The following TENM1 variants were observed in gnomAD, a reference collection of about 807,000 sequenced individuals.
TENM1 encodes teneurin transmembrane protein 1, also known as teneurin-1.
A neutral mutation model predicts 174.8 loss-of-function variants in TENM1; 35 were observed. The observed-to-expected ratio is 0.20, with a 90% CI of 0.15 to 0.27. TENM1 has a LOEUF of 0.27. Among genes scored for constraint, TENM1 ranks in the 10% least tolerant of loss-of-function variants. TENM1 has a pLI of 1.00. For missense variants in TENM1, 1,633 were observed against 2,130.1 expected (o/e 0.77, Z 4.59); for synonymous variants, 781 against 798.7 (o/e 0.98, Z 0.37).
At chrX:124,546,896 G>A (rs1361408470) in exon 15 of TENM1, 1 of 1,208,748 alleles carries the variant, frequency 8.3e-7, no homozygotes, top group Non-Finnish European at 1.1e-6. Context: ...GACACCTCAG[G>A]AGGAATGACA....
chrX:124,723,757 C>T (rs1013586479), intron 4 of TENM1, among the ~76,000 whole-genome samples: 6 of 109,849 alleles, frequency 5.5e-5, no homozygotes, highest in African/African-American at 1.7e-4. Flanking sequence ...TGTGCCACCA[C>T]GCCTAGCTAA....
intron 11 of TENM1, among the ~76,000 whole-genome samples, chrX:124,574,949 C>T (rs1240505797): frequency 8.9e-6 from 1 of 111,922 alleles, no homozygotes; most frequent in Non-Finnish European, 1.9e-5. Flanking sequence ...CAACTCCTTC[C>T]ATTTCTCAGT....
the TENM1 span, among the ~76,000 whole-genome samples, chrX:125,181,218 A>G: frequency 8.9e-6 from 1 of 111,895 alleles, no homozygotes; most frequent in African/African-American, 3.3e-5. Flanking sequence ...AGAGGTTAGG[A>G]GATTGAGATT....
intron 28 of TENM1, among the ~76,000 whole-genome samples, chrX:124,386,983 A>C (rs1474481936): frequency 2.8e-5 from 3 of 108,012 alleles, no homozygotes; most frequent in South Asian, 4.2e-4. Flanking sequence ...TTCAACGTGC[A>C]TATGTTTCAG....
At chrX:124,615,338 C>T (rs927547250) in intron 11 of TENM1, among the ~76,000 whole-genome samples, 4 of 111,444 alleles carry the variant, frequency 3.6e-5, no homozygotes, top group East Asian at 5.7e-4. Flanking sequence ...CTGTGGAGGG[C>T]GAACTGTACT....
At chrX:125,044,683 G>A in the TENM1 span, among the ~76,000 whole-genome samples, 6 of 111,005 alleles carry the variant, frequency 5.4e-5, no homozygotes, top group Non-Finnish European at 1.9e-5. Flanking sequence ...TCCAGGTTGT[G>A]GCATATTGTC....
the TENM1 span, among the ~76,000 whole-genome samples, chrX:125,131,630 G>A: frequency 2.7e-5 from 3 of 111,820 alleles, no homozygotes; most frequent in Non-Finnish European, 5.6e-5. Flanking sequence ...TAGAAATGGT[G>A]ATGACTACTA....
chrX:124,453,206 A>G, intron 23 of TENM1, 131 bp downstream of exon 26: 1 of 644,612 alleles, frequency 1.6e-6, no homozygotes, highest in Non-Finnish European at 2.3e-6. Context: ...TTACATAAAG[A>G]GAAACTTCTG....
intron 1 of TENM1, among the ~76,000 whole-genome samples, chrX:124,925,746 C>A (rs1349629123): frequency 8.9e-6 from 1 of 112,131 alleles, no homozygotes; most frequent in East Asian, 2.8e-4. Context: ...AACTTTGGAA[C>A]TGGAAGAGGG....
chrX:124,391,156 G>A (rs1192317081), intron 28 of TENM1, among the ~76,000 whole-genome samples: 3 of 111,611 alleles, frequency 2.7e-5, no homozygotes, highest in Admixed American at 9.5e-5. Flanking sequence ...GTACCAATAG[G>A]GAAATCTGTC....
chrX:125,146,761 T>A, the TENM1 span, among the ~76,000 whole-genome samples: 2 of 111,379 alleles, frequency 1.8e-5, no homozygotes, highest in East Asian at 5.7e-4. Flanking sequence ...GGTTTGTTTT[T>A]GCCTCCCCAA....
the TENM1 span, among the ~76,000 whole-genome samples, chrX:125,108,443 TG>T: frequency 1.8e-5 from 2 of 111,745 alleles, no homozygotes; most frequent in African/African-American, 3.3e-5. Flanking sequence ...CTTTTTAGCC[TG>T]GAACAGTGGC....
At chrX:125,117,656 A>G in the TENM1 span, among the ~76,000 whole-genome samples, 2 of 110,977 alleles carry the variant, frequency 1.8e-5, no homozygotes, top group South Asian at 7.8e-4. Context: ...CCTAGGTAAC[A>G]AACCTGCACG....
rs889996762 is a variant in TENM1 at position 124,480,867 on chromosome X, G to A, written c.3949+865C>T. Among the ~76,000 whole-genome samples the A allele has an allele frequency of 4.5e-5, 5 of 111,158 alleles. No individual in the cohort carries two copies. The Admixed American group carries it at 4.8e-4, about 11-fold the overall frequency. On this transcript the variant is annotated intron_variant, in intron 22 of 31. Transcript: ENST00000422452. Reference sequence around the variant, plus strand: ...CACATACACAAACATCTTAGAGAAGGAACTGAGAAGAGCAGTTAAATAATT... The same window carrying A: ...CACATACACAAACATCTTAGAGAAGAAACTGAGAAGAGCAGTTAAATAATT...
chrX:125,163,746 T>C, the TENM1 span, among the ~76,000 whole-genome samples: 5 of 111,858 alleles, frequency 4.5e-5, no homozygotes, highest in South Asian at 1.8e-3. Context: ...TAATATAATT[T>C]TTAATTTATA....
At chrX:124,712,274 T>C (rs1354174708) in intron 4 of TENM1, among the ~76,000 whole-genome samples, 1 of 111,275 alleles carries the variant, frequency 9.0e-6, no homozygotes, top group South Asian at 3.8e-4. Context: ...TCCATACCGT[T>C]TTCCATAGCG....
intron 3 of TENM1, among the ~76,000 whole-genome samples, chrX:124,793,043 T>C (rs1352510655): frequency 8.9e-6 from 1 of 112,112 alleles, no homozygotes; most frequent in African/African-American, 3.2e-5. Context: ...AAAATGACTC[T>C]GAACCTGGAA....
intron 22 of TENM1, among the ~76,000 whole-genome samples, chrX:124,461,763 C>T (rs2061176617): frequency 9.1e-6 from 1 of 110,468 alleles, no homozygotes; most frequent in Non-Finnish European, 1.9e-5. Context: ...ATATTTATAC[C>T]CATTAATCAA....
the TENM1 span, among the ~76,000 whole-genome samples, chrX:125,183,440 GT>G: frequency 1.8e-5 from 2 of 111,778 alleles, no homozygotes; most frequent in Non-Finnish European, 3.8e-5. Context: ...TATTTTAAAT[GT>G]TTTAATATGA....
Sources: allele counts gnomAD v4.1 joint callset (sites outside exome capture counted in the v4.1 genomes callset), GRCh38; gene constraint gnomAD v4.1.1; transcripts MANE v1.5; gene names NCBI Gene and HGNC (gene_info 2026-07-23, HGNC 2026-07-21).